Variants in CEP126 observed in about 807,000 individuals in gnomAD.
The protein encoded by CEP126 is centrosomal protein of 126 kDa.
CEP126 carries 74 observed loss-of-function variants against 107.8 expected under a neutral mutation model. That is an observed-to-expected ratio of 0.69 (90% CI 0.57 to 0.83). The LOEUF is 0.83. Ranked by LOEUF, CEP126 falls within the 40% of genes least tolerant of loss-of-function variation. CEP126 has a pLI of 0.00. For missense variants in CEP126, 1,237 were observed against 1,281.9 expected (o/e 0.96, Z 0.53); for synonymous variants, 449 against 446.0 (o/e 1.01, Z -0.08).
Position 101,962,945 on chromosome 11 carries a change from G to A in CEP126, c.1910G>A (p.Ser637Asn). The A allele has an allele frequency of 6.2e-7, 1 of 1,610,118 alleles. No homozygotes were observed. Among genetic ancestry groups the A allele is most frequent in the Non-Finnish European group, 8.5e-7 (1 of 1,179,036 alleles). ...IKKLRWFDET[S>N]NIENNAENSH... ...AAACTGAGGTGGTTTGATGAAACTA[G>A]CAATATAGAAAACAATGCTGAAAAC... Residue 637 changes from serine (S) to asparagine (N), a missense_variant, in exon 6 of 11, where the codon AGC (serine) becomes AAC (asparagine). Ser to Asn is a conservative substitution (Grantham distance 46, BLOSUM62 1). Around this residue, in one of 3 missense-constraint regions of CEP126, gnomAD observed 1,134 missense variants for 1,150.5 expected, o/e 0.99. Transcript: ENST00000263468.
rs902154916 is a variant in CEP126, at chr11:101,992,290, A to G, written c.3245-488A>G. Among the ~76,000 whole-genome samples, 20 of 152,254 alleles carry G rather than the reference A, an allele frequency of 1.3e-4. No homozygotes were observed. The East Asian group carries it at 2.1e-3, about 16-fold the overall frequency. On this transcript the variant is annotated intron_variant, in intron 9 of 10. Coordinates refer to ENST00000263468, the MANE Select transcript of CEP126 (RefSeq NM_020802.4). ...TTAAATTTTTGTTTGATACTTCTACATATTTAAATGCTTCATGTAAAAGAT... is the reference window on the plus strand; with the variant it reads ...TTAAATTTTTGTTTGATACTTCTACGTATTTAAATGCTTCATGTAAAAGAT...
At chr11:101,989,017 C>T (rs764425568) in intron 9 of CEP126, among the ~76,000 whole-genome samples, 1 of 152,084 alleles carries the variant, frequency 6.6e-6, no homozygotes, top group African/African-American at 2.4e-5. Flanking sequence ...CAAAGGGGCA[C>T]GTTCTTTGTA....
rs1324447014 is a variant in CEP126 at position 101,915,201 on chromosome 11, G to A, written c.-84G>A. ...GGGCCTGAGAGACGGAGTGTAGGGA[G>A]GGGCCGAGCAGGAGGAGGAGGAAGC... is the stretch of plus-strand genomic sequence containing the variant. On this transcript the variant is annotated 5_prime_UTR_variant, in exon 1 of 11. Transcript: ENST00000263468. 7.0e-6 allele frequency: 11 copies of A among 1,578,598 alleles called. No individual in the cohort carries two copies. The highest frequency in any genetic ancestry group is 9.5e-6 in the Non-Finnish European group (11 of 1,160,240).
intron 6 of CEP126, among the ~76,000 whole-genome samples, chr11:101,964,355 A>G (rs878974359): frequency 6.6e-6 from 1 of 151,628 alleles, no homozygotes; most frequent in Non-Finnish European, 1.5e-5. Context: ...ATTTTTGGCC[A>G]GGCACGGTGG....
intron 6 of CEP126, among the ~76,000 whole-genome samples, chr11:101,972,442 A>G (rs571615893): frequency 2.4e-4 from 36 of 149,710 alleles, no homozygotes; most frequent in African/African-American, 8.4e-4. Flanking sequence ...AACAATACCT[A>G]CAGAGCCCCA....
chr11:101,936,983 G>A (rs1940590186), intron 2 of CEP126, among the ~76,000 whole-genome samples: 1 of 152,102 alleles, frequency 6.6e-6, no homozygotes, highest in Non-Finnish European at 1.5e-5. Context: ...AAGTGTTGTG[G>A]ATTTTAATTC....
chr11:101,992,680 T>G (rs1220020158), intron 9 of CEP126, 98 bp from the exon 10 acceptor site: 6 of 709,410 alleles, frequency 8.5e-6, no homozygotes, highest in Non-Finnish European at 1.3e-5. Flanking sequence ...ATTTTGAATA[T>G]TTTGATACAT....
chr11:101,950,815 G>A (rs1940802290), intron 4 of CEP126, among the ~76,000 whole-genome samples: 1 of 152,204 alleles, frequency 6.6e-6, no homozygotes, highest in East Asian at 1.9e-4. Flanking sequence ...GTGATCAGAT[G>A]TAAAATGTTT....
intron 2 of CEP126, among the ~76,000 whole-genome samples, chr11:101,936,425 AACTTG>A (rs199588553): frequency 0.059 from 8,920 of 152,094 alleles, 475 homozygotes; most frequent in East Asian, 0.27. Context: ...GTATTCTAAG[AACTTG>A]TTAAATTTTC....
At chr11:101,995,783 A>G (rs2137139167) in intron 10 of CEP126, among the ~76,000 whole-genome samples, 1 of 152,374 alleles carries the variant, frequency 6.6e-6, no homozygotes, top group East Asian at 1.9e-4. Context: ...AAAGAGATTT[A>G]TGAAATACTT....
At chr11:101,927,079 G>A (rs1327892625) in intron 2 of CEP126, among the ~76,000 whole-genome samples, 2 of 152,098 alleles carry the variant, frequency 1.3e-5, no homozygotes, top group African/African-American at 2.4e-5. Context: ...AGGTGGGTGC[G>A]TTACTTGAGG....
At chr11:101,940,392 G>A (rs1940647135) in intron 2 of CEP126, among the ~76,000 whole-genome samples, 1 of 152,136 alleles carries the variant, frequency 6.6e-6, no homozygotes, top group South Asian at 2.1e-4. Context: ...AACAATTTTT[G>A]TTCATAAACA....
At chr11:101,977,923 A>T (rs1373616305) in intron 6 of CEP126, among the ~76,000 whole-genome samples, 3 of 152,188 alleles carry the variant, frequency 2.0e-5, no homozygotes, top group African/African-American at 7.2e-5. Flanking sequence ...AAGATAACTG[A>T]GTTTACTTCA....
Position 101,916,566 on chromosome 11 carries a change from C to A in CEP126, c.128+1154C>A, listed in dbSNP as rs144341338. ...TTCAGTTTGGCTTTTGCCCTTGCTG[C>A]TCCCCAAAATTGCCCTCTTAAAGGT... On this transcript the variant is annotated intron_variant, in intron 1 of 10. Coordinates refer to ENST00000263468, the MANE Select transcript of CEP126 (RefSeq NM_020802.4). 7 of 152,314 alleles carry A rather than the reference C, an allele frequency of 4.6e-5. No homozygotes were observed. The East Asian group carries it at 1.2e-3, about 25-fold the overall frequency. 9.4% of individuals were successfully genotyped at this position (152,314 alleles called of 1,614,324 possible). A position where few individuals can be genotyped will look rare whatever the true frequency, so the allele number is the denominator to read the frequency against.
At position 101,963,602 on chromosome 11, in the gene CEP126, A is replaced by G; in HGVS notation, c.2567A>G (p.Glu856Gly). 6.2e-7 allele frequency: 1 copy of G among 1,614,182 alleles called. No individual in the cohort carries two copies. ...TEHSLNQWNQ[E>G]SSSPLSNACS... The stretch of plus-strand genomic sequence containing the variant: ...CACAGTTTGAATCAGTGGAATCAGG[A>G]AAGTAGTTCTCCACTCTCAAATGCT... The change falls in exon 6 of 11, where the codon GAA (glutamate) becomes GGA (glycine). Residue 856 changes from glutamate (E) to glycine (G), a missense_variant. Glu to Gly is a moderately conservative substitution (Grantham distance 98, BLOSUM62 -2). Coordinates refer to ENST00000263468, the MANE Select transcript of CEP126 (RefSeq NM_020802.4).
chr11:101,948,768 T>C (rs1940772716), intron 4 of CEP126, among the ~76,000 whole-genome samples: 1 of 152,192 alleles, frequency 6.6e-6, no homozygotes, highest in Non-Finnish European at 1.5e-5. Context: ...TTGTAAAATA[T>C]AATCCCTAGT....
At chr11:101,915,612 C>A (rs191172503) in intron 1 of CEP126, among the ~76,000 whole-genome samples, 200 bp downstream of exon 1, 2 of 152,132 alleles carry the variant, frequency 1.3e-5, no homozygotes, top group African/African-American at 4.8e-5. Flanking sequence ...TGGCTGCTTC[C>A]CCCCATCACC....
chr11:101,954,944 TA>T (rs2137105096), intron 4 of CEP126, among the ~76,000 whole-genome samples: 1 of 152,270 alleles, frequency 6.6e-6, no homozygotes, highest in South Asian at 2.1e-4. Context: ...CAGTGGAATG[TA>T]AACCTAAATG....
Position 101,992,843 on chromosome 11 carries a change from G to A in CEP126, c.3309+1G>A. The stretch of plus-strand genomic sequence containing the variant: ...TACTTTACAAATAATACCACTTCTG[G>A]TAAGTATTTGAAGAAGCTCTTTTTT... On this transcript the variant is annotated splice_donor_variant, in intron 10 of 10. Coordinates refer to ENST00000263468, the MANE Select transcript of CEP126 (RefSeq NM_020802.4). LOFTEE classifies it high-confidence loss of function. 6.5e-7 allele frequency: 1 copy of A among 1,527,830 alleles called. No individual in the cohort carries two copies. The highest frequency in any genetic ancestry group is 8.8e-7 in the Non-Finnish European group (1 of 1,142,838). 94.6% of individuals were successfully genotyped at this position (1,527,830 alleles called of 1,614,324 possible).
Sources: gnomAD v4.1 joint callset for allele counts (sites outside exome capture counted in the v4.1 genomes callset) on GRCh38, gnomAD v4.1.1 for gene constraint, gnomAD v4.1.1 regional missense constraint, MANE v1.5 for transcripts, NCBI Gene and HGNC (gene_info 2026-07-23, HGNC 2026-07-21) for gene names.